Variants in ADGRG1 observed in about 807,000 individuals in gnomAD.
The protein encoded by ADGRG1 is adhesion G protein-coupled receptor G1.
ADGRG1 carries 53 observed loss-of-function variants against 73.5 expected under a neutral mutation model. That is an observed-to-expected ratio of 0.72 (90% confidence interval 0.58 to 0.91). The LOEUF is 0.91. Ranked by LOEUF, ADGRG1 falls within the 40% of genes least tolerant of loss-of-function variation. The pLI is 0.00. For missense variants in ADGRG1, 795 were observed against 871.8 expected, an observed-to-expected ratio of 0.91 and a Z score of 1.11; for synonymous variants, 394 against 374.4, an observed-to-expected ratio of 1.05 and a Z score of -0.60.
At position 57,663,834 on chromosome 16, in the gene ADGRG1, A is replaced by G; in HGVS notation, c.*252A>G. Reference sequence around the variant, plus strand: ...AGTGCGCCGCCATGCTGCCTAGGGTACTGTCCCCACATCTGTCCCAACCCA... The same window carrying G: ...AGTGCGCCGCCATGCTGCCTAGGGTGCTGTCCCCACATCTGTCCCAACCCA... On this transcript the variant is annotated 3_prime_UTR_variant, in exon 14 of 14. Transcript: ENST00000562631. 1.8e-6 allele frequency: 1 copy of G among 568,366 alleles called. No homozygotes were observed. Among genetic ancestry groups the G allele is most frequent in the Non-Finnish European group, 3.2e-6 (1 of 316,258 alleles). The allele number at this position is 568,366 out of a possible 1,614,324, so 35.2% of individuals were successfully genotyped here.
chr16:57,648,391 C>T (rs2043200203), intron 1 of ADGRG1: 2 of 931,712 alleles, frequency 2.1e-6, no homozygotes, highest in African/African-American at 1.8e-5. Context: ...TCACATCCTT[C>T]TTCTCAAAGG....
upstream of ADGRG1, chr16:57,625,584 G>A: frequency 3.0e-6 from 3 of 984,034 alleles, no homozygotes; most frequent in Non-Finnish European, 3.6e-6. Flanking sequence ...GCTGGTACAA[G>A]TCCCTGGCGT....
intron 5 of ADGRG1, chr16:57,654,953 C>T: frequency 1.8e-6 from 1 of 563,160 alleles, no homozygotes; most frequent in Non-Finnish European, 2.2e-6. Context: ...CTCCGGGGTT[C>T]AAGCAGTCCT....
chr16:57,651,924 G>A, intron 3 of ADGRG1: 1 of 1,367,750 alleles, frequency 7.3e-7, no homozygotes, highest in Non-Finnish European at 9.5e-7. Context: ...TGGTGAAGGA[G>A]GATGAGGTCT....
intron 1 of ADGRG1, among the ~76,000 whole-genome samples, chr16:57,629,801 G>A (rs1386562254): frequency 6.6e-6 from 1 of 152,192 alleles, no homozygotes; most frequent in African/African-American, 2.4e-5. Flanking sequence ...GTCCCCGCGG[G>A]GGCTGGGAGT....
At position 57,656,633 on chromosome 16, in the gene ADGRG1, C is replaced by T. The variant is rs769893182; in HGVS notation, c.1167+16C>T. On this transcript the variant is annotated intron_variant, in intron 9 of 13. Transcript: ENST00000562631. ...AGTGCTGATGGTGAGGGTCCCTGCT[C>T]CCACCTCGCAGCCACACCCCAGGCC... 1.3e-5 allele frequency: 19 copies of T among 1,495,092 alleles called. 1 individual carries two copies. The South Asian group carries it at 2.0e-4, about 16-fold the overall frequency. 92.6% of individuals were successfully genotyped at this position (1,495,092 alleles called of 1,614,324 possible).
chr16:57,662,705 A>G (rs4784001), intron 13 of ADGRG1, among the ~76,000 whole-genome samples: 119,709 of 151,864 alleles, frequency 0.79, 47,946 homozygotes, highest in African/African-American at 0.94. Context: ...CGGGGCGGAG[A>G]GGTGGGATCC....
upstream of ADGRG1, chr16:57,619,850 C>G (rs1250502089): frequency 6.6e-6 from 1 of 152,362 alleles, no homozygotes; most frequent in Non-Finnish European, 1.5e-5. Flanking sequence ...GCCTCTGCTT[C>G]CCAGGAGAGA....
chr16:57,631,855 G>C (rs1044598106), intron 1 of ADGRG1: 30 of 982,380 alleles, frequency 3.1e-5, no homozygotes, highest in Middle Eastern at 5.2e-4. Context: ...GCCCCCAGGG[G>C]AGCCCTGTAG....
chr16:57,647,519 A>G, intron 1 of ADGRG1: 1 of 803,132 alleles, frequency 1.2e-6, no homozygotes. Context: ...TAATTCTCAC[A>G]ATGACCTTTG....
chr16:57,660,341 T>C, intron 11 of ADGRG1: 1 of 985,148 alleles, frequency 1.0e-6, no homozygotes, highest in South Asian at 4.7e-5. Context: ...GGACTTTGTG[T>C]TTGGAGGTGG....
intron 1 of ADGRG1, among the ~76,000 whole-genome samples, chr16:57,638,033 G>T (rs1359295706): frequency 6.6e-6 from 1 of 152,198 alleles, no homozygotes; most frequent in African/African-American, 2.4e-5. Context: ...TGTCTGGGGC[G>T]TACCACAGTT....
In ADGRG1 at chr16:57,656,123, C is replaced by T. The variant is rs552609244; in HGVS notation, c.1018-103C>T. The T allele has an allele frequency of 1.7e-4, 281 of 1,613,078 alleles. No homozygotes were observed. Among genetic ancestry groups the T allele is most frequent in the Admixed American group, 2.0e-4 (12 of 59,980 alleles). On this transcript the variant is annotated intron_variant, in intron 7 of 13. Coordinates refer to ENST00000562631, the MANE Select transcript of ADGRG1 (RefSeq NM_201525.4). ...ATCGAGCAGTCAGGTCCAAATGGGGCGGGTGGTGGCTTGACTGTGTTCTAG... is the reference window on the plus strand; with the variant it reads ...ATCGAGCAGTCAGGTCCAAATGGGGTGGGTGGTGGCTTGACTGTGTTCTAG...
chr16:57,634,476 T>C (rs1376607294), intron 1 of ADGRG1: 1 of 984,986 alleles, frequency 1.0e-6, no homozygotes, highest in Non-Finnish European at 1.2e-6. Context: ...CTTCACTGCC[T>C]ACAAAGACCC....
At chr16:57,637,723 C>G (rs2039716482) in intron 1 of ADGRG1, 3 of 984,402 alleles carry the variant, frequency 3.0e-6, no homozygotes, top group Non-Finnish European at 3.6e-6. Flanking sequence ...CCTCCTGGCT[C>G]TGCTCCACGG....
intron 1 of ADGRG1, chr16:57,648,538 T>C: frequency 1.0e-6 from 1 of 978,424 alleles, no homozygotes; most frequent in African/African-American, 1.7e-5. Flanking sequence ...CCAGGTTTAT[T>C]TGAGGGAGGA....
intron 1 of ADGRG1, among the ~76,000 whole-genome samples, chr16:57,640,564 G>T (rs2040558044): frequency 6.6e-6 from 1 of 152,226 alleles, no homozygotes; most frequent in Admixed American, 6.5e-5. Flanking sequence ...CCGCCTGCGG[G>T]GTGTGCAACC....
intron 1 of ADGRG1, chr16:57,629,920 T>C (rs1471760120): frequency 2.3e-5 from 17 of 750,530 alleles, no homozygotes; most frequent in Non-Finnish European, 2.8e-5. Context: ...ATGTTCATTT[T>C]ACTGCGTAGG....
chr16:57,642,090 C>T (rs2040990419), intron 1 of ADGRG1: 1 of 985,344 alleles, frequency 1.0e-6, no homozygotes, highest in Non-Finnish European at 1.2e-6. Context: ...ATTCTCATCT[C>T]CTAAAACTCT....
Sources: gnomAD v4.1 joint callset for allele counts (sites outside exome capture counted in the v4.1 genomes callset) on GRCh38, gnomAD v4.1.1 for gene constraint, MANE v1.5 for transcripts, NCBI Gene and HGNC (gene_info 2026-07-23, HGNC 2026-07-21) for gene names.